Variants in UNC93A observed in about 807,000 individuals in gnomAD.
UNC93A encodes the protein unc-93 homolog A, also known as N-acetylglucosamine transporter UNC93A.
UNC93A carries 43 observed loss-of-function variants against 47.5 expected under a neutral mutation model. The ratio of observed to expected loss-of-function variants is 0.91; its 90% CI spans 0.71 to 1.17. The LOEUF is 1.17. Among genes scored for constraint, UNC93A ranks in the 50% most tolerant of loss-of-function variants. UNC93A has a pLI of 0.00. For synonymous variants in UNC93A, 280 were observed against 258.0 expected (o/e 1.09, Z -0.82); for missense variants, 605 against 577.6 (o/e 1.05, Z -0.49).
At chr6:167,271,614 A>G (rs1783453309) in intron 1 of UNC93A, among the ~76,000 whole-genome samples, 1 of 152,090 alleles carries the variant, frequency 6.6e-6, no homozygotes. Context: ...GGACACACAT[A>G]TGGGAGGAAA....
At chr6:167,286,527 C>T (rs1783736393), upstream of UNC93A, among the ~76,000 whole-genome samples, 2 of 152,352 alleles carry the variant, frequency 1.3e-5, no homozygotes, top group East Asian at 3.9e-4. Context: ...CCCAGGATGG[C>T]ATTATCTCGC....
intron 1 of UNC93A, among the ~76,000 whole-genome samples, chr6:167,292,982 T>TTGGAAG: frequency 6.6e-6 from 1 of 152,160 alleles, no homozygotes; most frequent in South Asian, 2.1e-4. Context: ...TCAGCCACTG[T>TTGGAAG]CTGAAAATTG....
rs187487472 is a variant in UNC93A, at chr6:167,280,581, A to G, written c.-52+9123A>G. 4.5e-3 allele frequency among the ~76,000 whole-genome samples: 683 copies of G among 152,234 alleles called. 3 individuals are homozygous for G. The highest frequency in any genetic ancestry group is 7.3e-3 in the Non-Finnish European group (497 of 68,014). On this transcript the variant is annotated intron_variant, in intron 1 of 3. Coordinates refer to the UNC93A transcript ENST00000503433. ...GAATTATGAATATCTCAGTCCTTAG[A>G]GAGTCAGACAGAGAGCCCCGAGGCC... is the stretch of plus-strand genomic sequence containing the variant.
In UNC93A at chr6:167,275,118, TC is replaced by T. The variant is rs554037147; in HGVS notation, c.-52+3661del. ...ACCGTGGCATCTGTGTTTTCAGGTG[TC>T]TGGGCAGTTGCATGCAGGAGACTTG... On this transcript the variant is annotated intron_variant, in intron 1 of 3. Coordinates refer to the UNC93A transcript ENST00000503433. Among the ~76,000 whole-genome samples, 428 of 152,268 alleles carry T rather than the reference TC, an allele frequency of 2.8e-3. 4 individuals carry two copies. Among genetic ancestry groups the T allele is most frequent in the African/African-American group, 1.0e-2 (414 of 41,530 alleles).
Position 167,291,362 on chromosome 6 carries a change from CT to C in UNC93A, c.-127del. 1 of 728,562 alleles carries C rather than the reference CT, an allele frequency of 1.4e-6. No homozygotes were observed. The highest frequency in any genetic ancestry group is 2.1e-5 in the South Asian group (1 of 47,630). The allele number at this position is 728,562 out of a possible 1,614,324, so 45.1% of individuals were successfully genotyped here. A position where few individuals can be genotyped will look rare whatever the true frequency, so the allele number is the denominator to read the frequency against. On this transcript the variant is annotated 5_prime_UTR_variant, in exon 1 of 8. The change abolishes the stop of an existing upstream ORF in the 5' untranslated region. Transcript: ENST00000230256. ...GACTAACACACCTCTAACATTTCAC[CT>C]CTAGCTCAGATGAGAGAGAGAATGG...
At chr6:167,309,424 G>A (rs1179643117) in intron 7 of UNC93A, among the ~76,000 whole-genome samples, 2 of 152,070 alleles carry the variant, frequency 1.3e-5, no homozygotes, top group Non-Finnish European at 2.9e-5. Context: ...CTAAGGCCCC[G>A]AGGGGTGTCA....
chr6:167,293,952 T>C (rs2115116515), intron 1 of UNC93A, among the ~76,000 whole-genome samples: 1 of 152,316 alleles, frequency 6.6e-6, no homozygotes, highest in African/African-American at 2.4e-5. Flanking sequence ...CCACCAGTGG[T>C]GGCGGCCTGC....
At chr6:167,296,355 T>A in intron 3 of UNC93A, 94 bp downstream of exon 3, 1 of 1,341,536 alleles carries the variant, frequency 7.5e-7, no homozygotes, top group Non-Finnish European at 1.1e-6. Context: ...ACACCTGCCT[T>A]GATTCTGTAA....
At chr6:167,287,436 G>C (rs1412230337), upstream of UNC93A, among the ~76,000 whole-genome samples, 1 of 152,098 alleles carries the variant, frequency 6.6e-6, no homozygotes, top group Non-Finnish European at 1.5e-5. Context: ...TTCTCTCCAT[G>C]GGAATTTCAG....
chr6:167,271,594 A>G (rs951986864), intron 1 of UNC93A: 1 of 152,108 alleles, frequency 6.6e-6, no homozygotes, highest in African/African-American at 2.4e-5. Context: ...CCACTTATCT[A>G]TCATAAGTGG....
At chr6:167,306,508 C>T (rs1466575026) in intron 6 of UNC93A, among the ~76,000 whole-genome samples, 1 of 152,220 alleles carries the variant, frequency 6.6e-6, no homozygotes, top group Non-Finnish European at 1.5e-5. Context: ...CACACAGCAC[C>T]TTCCATTTTT....
chr6:167,276,985 C>T (rs1408265241), intron 1 of UNC93A, among the ~76,000 whole-genome samples: 1 of 152,260 alleles, frequency 6.6e-6, no homozygotes, highest in Non-Finnish European at 1.5e-5. Context: ...CAGGGAGCCA[C>T]ACAGACAACG....
intron 1 of UNC93A, among the ~76,000 whole-genome samples, chr6:167,284,068 C>A (rs1259413973): frequency 6.6e-6 from 1 of 152,160 alleles, no homozygotes; most frequent in Non-Finnish European, 1.5e-5. Flanking sequence ...TTGCTGAATG[C>A]AAACAAGTGC....
At chr6:167,277,329 C>A (rs775392831) in intron 1 of UNC93A, among the ~76,000 whole-genome samples, 2 of 152,220 alleles carry the variant, frequency 1.3e-5, no homozygotes, top group Non-Finnish European at 1.5e-5. Flanking sequence ...GGCGACCTAC[C>A]CTTAGCCGGT....
At chr6:167,313,707 G>T (rs1425735564) in intron 7 of UNC93A, among the ~76,000 whole-genome samples, 1 of 152,058 alleles carries the variant, frequency 6.6e-6, no homozygotes, top group East Asian at 1.9e-4. Context: ...CCTGCCCAGG[G>T]TGTAGCCGGG....
chr6:167,280,607 G>T (rs192546473), intron 1 of UNC93A, among the ~76,000 whole-genome samples: 1 of 152,246 alleles, frequency 6.6e-6, no homozygotes, highest in East Asian at 1.9e-4. Flanking sequence ...CCCCGAGGCC[G>T]CTCAGTCTAG....
intron 1 of UNC93A, among the ~76,000 whole-genome samples, chr6:167,272,645 C>T (rs147918823): frequency 1.3e-5 from 2 of 152,242 alleles, no homozygotes; most frequent in African/African-American, 4.8e-5. Flanking sequence ...ACTTGAAGTG[C>T]TGGTGGGAGG....
At chr6:167,280,311 A>G (rs1783611168) in intron 1 of UNC93A, among the ~76,000 whole-genome samples, 1 of 152,174 alleles carries the variant, frequency 6.6e-6, no homozygotes. Context: ...AAGGAGGAGC[A>G]CATTTGTTAA....
intron 7 of UNC93A, among the ~76,000 whole-genome samples, chr6:167,313,353 G>A (rs1390400272): frequency 1.3e-5 from 2 of 152,132 alleles, no homozygotes; most frequent in Non-Finnish European, 2.9e-5. Flanking sequence ...CAGAGTCAGA[G>A]AATGTCAAGT....
Sources: allele counts gnomAD v4.1 joint callset (sites outside exome capture counted in the v4.1 genomes callset), GRCh38; gene constraint gnomAD v4.1.1; transcripts MANE v1.5; gene names NCBI Gene and HGNC (gene_info 2026-07-23, HGNC 2026-07-21).